ROBO1: variants seen among roughly 807,000 people sequenced by gnomAD.
The protein encoded by ROBO1 is roundabout homolog 1.
A neutral mutation model predicts 195.9 loss-of-function variants in ROBO1; 149 were observed. The observed-to-expected ratio is 0.76, with a 90% CI of 0.67 to 0.87. ROBO1 has a LOEUF of 0.87. Ranked by LOEUF, ROBO1 falls within the 40% of genes least tolerant of loss-of-function variation. The pLI, the probability that ROBO1 is intolerant of heterozygous loss-of-function variation, is 0.00. For synonymous variants in ROBO1, 816 were observed against 733.2 expected (o/e 1.11, Z -1.82); for missense variants, 1,933 against 2,068.3 (o/e 0.93, Z 1.27).
chr3:78,696,127 A>G (rs1247958635), intron 8 of ROBO1, among the ~76,000 whole-genome samples: 2 of 35,072 alleles, frequency 5.7e-5, no homozygotes, highest in Non-Finnish European at 1.1e-4. Context: ...AAGAATCAGA[A>G]AAAAAAAAAA....
chr3:79,434,633 A>T (rs934114030), intron 2 of ROBO1, among the ~76,000 whole-genome samples: 1 of 152,160 alleles, frequency 6.6e-6, no homozygotes, highest in South Asian at 2.1e-4. Context: ...AACTAATTCA[A>T]CCATTGTGGA....
intron 3 of ROBO1, among the ~76,000 whole-genome samples, chr3:79,120,114 AC>A (rs1306252358): frequency 6.6e-6 from 1 of 151,976 alleles, no homozygotes; most frequent in Non-Finnish European, 1.5e-5. Context: ...TACCTCATAT[AC>A]CCCCATGTAC....
intron 1 of ROBO1, among the ~76,000 whole-genome samples, chr3:79,667,847 T>C (rs998219748): frequency 6.6e-6 from 1 of 151,750 alleles, no homozygotes; most frequent in African/African-American, 2.4e-5. Context: ...TAACTTACCT[T>C]TACGTTTAAC....
intron 4 of ROBO1, among the ~76,000 whole-genome samples, chr3:78,809,414 T>C (rs1309958858): frequency 6.6e-6 from 1 of 152,158 alleles, no homozygotes; most frequent in Non-Finnish European, 1.5e-5. Context: ...AGTTCAACCA[T>C]TGTGGAAGAC....
chr3:78,840,192 G>A (rs1387139751), intron 4 of ROBO1, among the ~76,000 whole-genome samples: 1 of 152,144 alleles, frequency 6.6e-6, no homozygotes, highest in East Asian at 1.9e-4. Flanking sequence ...TAGATGTTCA[G>A]CTGTCCTGAT....
intron 2 of ROBO1, among the ~76,000 whole-genome samples, chr3:79,558,808 A>G (rs1301695518): frequency 6.6e-6 from 1 of 152,228 alleles, no homozygotes; most frequent in African/African-American, 2.4e-5. Flanking sequence ...AAAATCACAT[A>G]GTAATTTTTT....
chr3:79,138,066 G>C (rs2080449118), intron 2 of ROBO1, among the ~76,000 whole-genome samples: 2 of 152,016 alleles, frequency 1.3e-5, no homozygotes, highest in South Asian at 4.1e-4. Context: ...CAAAGCATAA[G>C]GCTTTGCCCA....
intron 2 of ROBO1, among the ~76,000 whole-genome samples, chr3:79,412,482 C>T (rs929166934): frequency 6.6e-5 from 10 of 152,118 alleles, no homozygotes; most frequent in Non-Finnish European, 1.5e-4. Context: ...TTTGGCACTG[C>T]AAACACACCT....
At chr3:78,881,078 G>A (rs1182035445) in intron 4 of ROBO1, among the ~76,000 whole-genome samples, 5 of 152,194 alleles carry the variant, frequency 3.3e-5, no homozygotes, top group Non-Finnish European at 7.3e-5. Context: ...AACAGATGCG[G>A]GGATGCTGCT....
intron 2 of ROBO1, among the ~76,000 whole-genome samples, chr3:79,588,910 G>A (rs1053271250): frequency 6.6e-6 from 1 of 151,600 alleles, no homozygotes; most frequent in African/African-American, 2.4e-5. Flanking sequence ...ACCCAGCACA[G>A]GGAAAAATTG....
At chr3:79,317,305 TC>T (rs1268125749) in intron 2 of ROBO1, among the ~76,000 whole-genome samples, 1 of 152,132 alleles carries the variant, frequency 6.6e-6, no homozygotes, top group East Asian at 1.9e-4. Flanking sequence ...TCAATTCTCT[TC>T]CTATTTTCAT....
At chr3:79,449,268 A>G (rs1335724492) in intron 2 of ROBO1, among the ~76,000 whole-genome samples, 2 of 152,068 alleles carry the variant, frequency 1.3e-5, no homozygotes, top group East Asian at 1.9e-4. Context: ...ATTCAGTAAT[A>G]TATGTGTAGG....
At chr3:78,677,230 TAA>T (rs1204585795) in intron 10 of ROBO1, among the ~76,000 whole-genome samples, 1 of 152,128 alleles carries the variant, frequency 6.6e-6, no homozygotes, top group Non-Finnish European at 1.5e-5. Flanking sequence ...TGCCAAATTG[TAA>T]AGACCATCAA....
At chr3:79,118,290 A>T (rs925875755) in intron 3 of ROBO1, among the ~76,000 whole-genome samples, 4 of 149,882 alleles carry the variant, frequency 2.7e-5, no homozygotes. Flanking sequence ...TTTTGCACCC[A>T]GCAAATATTA....
intron 3 of ROBO1, among the ~76,000 whole-genome samples, chr3:79,014,251 C>T (rs2077864445): frequency 6.6e-6 from 1 of 152,096 alleles, no homozygotes; most frequent in Admixed American, 6.6e-5. Context: ...AGGCAGATCA[C>T]CTGAGGTCAG....
At chr3:79,470,845 T>C (rs1464164168) in intron 2 of ROBO1, among the ~76,000 whole-genome samples, 1 of 152,206 alleles carries the variant, frequency 6.6e-6, no homozygotes, top group Admixed American at 6.6e-5. Flanking sequence ...CTCTTTCCTT[T>C]ATAAATTACC....
intron 3 of ROBO1, among the ~76,000 whole-genome samples, chr3:79,102,752 A>G (rs2108513344): frequency 6.6e-6 from 1 of 151,952 alleles, no homozygotes; most frequent in South Asian, 2.1e-4. Context: ...GCAGATGTGT[A>G]TGTCCAAAGA....
chr3:78,612,368 C>T (rs1703869389), intron 28 of ROBO1, among the ~76,000 whole-genome samples: 1 of 152,058 alleles, frequency 6.6e-6, no homozygotes, highest in South Asian at 2.1e-4. Flanking sequence ...TCTTCCTCTC[C>T]CTTCTCTTTT....
At position 78,600,275 on chromosome 3, in the gene ROBO1, T is replaced by G; in HGVS notation, c.4779A>C (p.Pro1593=). Residue 1593 remains proline, a synonymous_variant, in exon 30 of 31, where the codon CCA becomes CCC. Transcript: ENST00000464233. The part of the protein sequence containing the change: ...DILPYCRPTF[P]TSNNPRDPSS... ...TGGGATCTCTGGGATTATTTGATGT[T>G]GGAAAAGTAGGTCTACAATAAGGTA... is the stretch of plus-strand genomic sequence containing the variant. 6.2e-7 allele frequency: 1 copy of G among 1,612,882 alleles called. No individual in the cohort carries two copies. The highest frequency in any genetic ancestry group is 8.5e-7 in the Non-Finnish European group (1 of 1,179,012).
Sources: gnomAD v4.1 joint callset for allele counts (sites outside exome capture counted in the v4.1 genomes callset) on GRCh38, gnomAD v4.1.1 for gene constraint, MANE v1.5 for transcripts, NCBI Gene and HGNC (gene_info 2026-07-23, HGNC 2026-07-21) for gene names.